Variants in BUB1 observed in about 807,000 individuals in gnomAD.
The protein encoded by BUB1 is mitotic checkpoint serine/threonine-protein kinase BUB1.
Under a neutral mutation model 135.2 loss-of-function variants are expected in BUB1, and 84 were observed. The observed-to-expected ratio is 0.62, with a 90% CI of 0.52 to 0.74. BUB1 has a LOEUF of 0.74. Ranked by LOEUF, BUB1 falls within the 30% of genes least tolerant of loss-of-function variation. The probability of loss-of-function intolerance (pLI) is 0.00; values close to 1 mark genes in which losing one functional copy is unlikely to be tolerated. For missense variants in BUB1, 1,162 were observed against 1,288.3 expected, an observed-to-expected ratio of 0.90 and a Z score of 1.50; for synonymous variants, 403 against 434.4, an observed-to-expected ratio of 0.93 and a Z score of 0.90.
intron 9 of BUB1, among the ~76,000 whole-genome samples, chr2:110,664,789 T>C (rs1369022512): frequency 2.0e-5 from 3 of 151,958 alleles, no homozygotes; most frequent in African/African-American, 4.8e-5. Context: ...AATGACTCAA[T>C]AGAAAAATGG....
At chr2:110,657,849 T>A (rs1159124409) in intron 13 of BUB1, among the ~76,000 whole-genome samples, 1 of 152,172 alleles carries the variant, frequency 6.6e-6, no homozygotes, top group Admixed American at 6.5e-5. Context: ...AAGTCCCAGG[T>A]CACGAGTCCC....
At chr2:110,664,590 T>C (rs1690194067) in intron 9 of BUB1, among the ~76,000 whole-genome samples, 1 of 151,716 alleles carries the variant, frequency 6.6e-6, no homozygotes. Flanking sequence ...TTTTTTTTTT[T>C]TTTAAATAAG....
intron 13 of BUB1, 53 bp from the exon 14 acceptor site, chr2:110,657,698 T>C (rs1484878420): frequency 1.5e-6 from 2 of 1,295,606 alleles, no homozygotes; most frequent in Admixed American, 4.6e-5. Context: ...AAAAACATCC[T>C]TTATATTAAA....
chr2:110,669,421 G>C, intron 6 of BUB1, 32 bp downstream of exon 6: 1 of 1,477,994 alleles, frequency 6.8e-7, no homozygotes, highest in Non-Finnish European at 9.5e-7. Flanking sequence ...ACCATTCCCA[G>C]TTTCCACACA....
Position 110,637,886 on chromosome 2 carries a change from A to T in BUB1, c.*78T>A. ...TTTAACAAACATTTACATAAACAAT[A>T]AATGAAAAAAAAACAGGTTTAAAGT... On this transcript the variant is annotated 3_prime_UTR_variant, in exon 25 of 25. Transcript: ENST00000302759. The T allele has an allele frequency of 9.9e-7, 1 of 1,014,702 alleles. No homozygotes were observed. Among genetic ancestry groups the T allele is most frequent in the Non-Finnish European group, 1.4e-6 (1 of 739,948 alleles). 62.9% of individuals were successfully genotyped at this position (1,014,702 alleles called of 1,614,324 possible).
At chr2:110,677,889 G>T in intron 1 of BUB1, 81 bp downstream of exon 1, 1 of 1,489,204 alleles carries the variant, frequency 6.7e-7, no homozygotes, top group Non-Finnish European at 9.1e-7. Flanking sequence ...GGCAAAAGAA[G>T]GCAGGTCTGG....
chr2:110,650,412 A>G, intron 18 of BUB1, 134 bp downstream of exon 18: 1 of 748,556 alleles, frequency 1.3e-6, no homozygotes, highest in East Asian at 2.6e-5. Flanking sequence ...TGCATTATGC[A>G]AGTTTCATCT....
At chr2:110,639,618 A>G in intron 24 of BUB1, 124 bp downstream of exon 24, 1 of 762,992 alleles carries the variant, frequency 1.3e-6, no homozygotes, top group East Asian at 2.6e-5. Flanking sequence ...TCCTGTCACC[A>G]TATTGCCCAA....
intron 15 of BUB1, 39 bp from the exon 16 acceptor site, chr2:110,655,955 C>G (rs1689923933): frequency 1.3e-6 from 2 of 1,583,824 alleles, no homozygotes; most frequent in Non-Finnish European, 1.7e-6. Context: ...GCAGCAATCT[C>G]CCTCTTTAGT....
At position 110,653,565 on chromosome 2, in the gene BUB1, C is replaced by T. The variant is rs1553515865; in HGVS notation, c.1877-42G>A. The T allele has an allele frequency of 2.0e-6, 3 of 1,500,738 alleles. No homozygotes were observed. The South Asian group carries it at 3.4e-5, about 17-fold the overall frequency. The allele number at this position is 1,500,738 out of a possible 1,614,324, so 93.0% of individuals were successfully genotyped here. ...TTAGAGACAAGATATGTTAGATGCA[C>T]ATGTGTGCACAACACACACCATTTG... On this transcript the variant is annotated intron_variant, in intron 16 of 24. Transcript: ENST00000302759.
At position 110,649,484 on chromosome 2, in the gene BUB1, C is replaced by T. The variant is rs545984020; in HGVS notation, c.2204-107G>A. ...TGAGTAGAGATATTTACTAAGTAAG[C>T]TTTCAAAGCCTTATAAGAGTATTAA... On this transcript the variant is annotated intron_variant, in intron 18 of 24. Transcript: ENST00000302759. 9 of 1,072,844 alleles carry T rather than the reference C, an allele frequency of 8.4e-6. No individual in the cohort carries two copies. In the South Asian group the frequency reaches 1.1e-4, roughly 13 times the overall value. The allele number at this position is 1,072,844 out of a possible 1,614,324, so 66.5% of individuals were successfully genotyped here.
chr2:110,637,904 T>C lies in BUB1; in HGVS notation c.*60A>G. On this transcript the variant is annotated 3_prime_UTR_variant, in exon 25 of 25. Coordinates refer to ENST00000302759, the MANE Select transcript of BUB1 (RefSeq NM_004336.5). ...AAACAATAAATGAAAAAAAAACAGGTTTAAAGTGAGCAGATTCATATTTAC... is the reference window on the plus strand; with the variant it reads ...AAACAATAAATGAAAAAAAAACAGGCTTAAAGTGAGCAGATTCATATTTAC... The C allele has an allele frequency of 8.4e-7, 1 of 1,191,944 alleles. No individual in the cohort carries two copies. Among genetic ancestry groups the C allele is most frequent in the Non-Finnish European group, 1.1e-6 (1 of 895,728 alleles). 73.8% of individuals were successfully genotyped at this position (1,191,944 alleles called of 1,614,324 possible). A position where few individuals can be genotyped will look rare whatever the true frequency, so the allele number is the denominator to read the frequency against.
In BUB1 at chr2:110,669,673, TCA is replaced by T. The variant is rs897516153; in HGVS notation, c.467-122_467-121del. 20 of 604,426 alleles carry T rather than the reference TCA, an allele frequency of 3.3e-5. No individual in the cohort carries two copies. In the African/African-American group the frequency reaches 3.5e-4, roughly 11 times the overall value. 37.4% of individuals were successfully genotyped at this position (604,426 alleles called of 1,614,324 possible). On this transcript the variant is annotated intron_variant, in intron 5 of 24. Transcript: ENST00000302759. ...AATCATAAGAAGTAAATCAACTCAT[TCA>T]CACTGTCTCAGAAATTTCAACTAAA...
rs1689405557 is a variant in BUB1, at chr2:110,637,900, C to A, written c.*64G>T. On this transcript the variant is annotated 3_prime_UTR_variant, in exon 25 of 25. Coordinates refer to ENST00000302759, the MANE Select transcript of BUB1 (RefSeq NM_004336.5). The stretch of plus-strand genomic sequence containing the variant: ...ACATAAACAATAAATGAAAAAAAAA[C>A]AGGTTTAAAGTGAGCAGATTCATAT... 9.2e-6 allele frequency: 10 copies of A among 1,085,110 alleles called. No homozygotes were observed. Among genetic ancestry groups the A allele is most frequent in the South Asian group, 3.1e-5 (1 of 32,586 alleles). The allele number at this position is 1,085,110 out of a possible 1,614,324, so 67.2% of individuals were successfully genotyped here.
At chr2:110,675,310 G>A (rs1349390228) in intron 1 of BUB1, 1 of 152,292 alleles carries the variant, frequency 6.6e-6, no homozygotes, top group African/African-American at 2.4e-5. Flanking sequence ...GTGAGAATGT[G>A]ATGAGTTACT....
Position 110,649,001 on chromosome 2 carries a change from A to G in BUB1, c.2347+233T>C, listed in dbSNP as rs576275301. On this transcript the variant is annotated intron_variant, in intron 19 of 24. Transcript: ENST00000302759. ...AAAAGTAAATGCATTTTTAATTTTAATAGATATTGGCAAATTGCCCTCTAT... is the reference window on the plus strand; with the variant it reads ...AAAAGTAAATGCATTTTTAATTTTAGTAGATATTGGCAAATTGCCCTCTAT... The G allele has an allele frequency of 3.0e-5, 10 of 338,160 alleles. No homozygotes were observed. In the East Asian group the frequency reaches 4.2e-4, roughly 14 times the overall value. The allele number at this position is 338,160 out of a possible 1,614,324, so 20.9% of individuals were successfully genotyped here. A position where few individuals can be genotyped will look rare whatever the true frequency, so the allele number is the denominator to read the frequency against.
chr2:110,654,353 A>T (rs894427454), intron 16 of BUB1, among the ~76,000 whole-genome samples: 1 of 148,558 alleles, frequency 6.7e-6, no homozygotes, highest in Non-Finnish European at 1.5e-5. Flanking sequence ...CTCCATAATT[A>T]AAAAAAAAAT....
At chr2:110,658,781 G>A in intron 11 of BUB1, 39 bp from the exon 12 acceptor site, 1 of 1,610,520 alleles carries the variant, frequency 6.2e-7, no homozygotes, top group Non-Finnish European at 8.5e-7. Flanking sequence ...TATCAGTAGG[G>A]AAATCAGAAT....
chr2:110,651,060 T>C (rs980948866), intron 17 of BUB1, among the ~76,000 whole-genome samples: 8 of 152,154 alleles, frequency 5.3e-5, no homozygotes, highest in African/African-American at 1.7e-4. Context: ...CAGGAGTGGG[T>C]TTATTTCTCC....
Sources: gnomAD v4.1 joint callset for allele counts (sites outside exome capture counted in the v4.1 genomes callset) on GRCh38, gnomAD v4.1.1 for gene constraint, MANE v1.5 for transcripts, NCBI Gene and HGNC (gene_info 2026-07-23, HGNC 2026-07-21) for gene names.